MAP7: variants seen among roughly 807,000 people sequenced by gnomAD.
The protein encoded by MAP7 is microtubule associated protein 7.
MAP7 carries 52 observed loss-of-function variants against 94.8 expected under a neutral mutation model. The ratio of observed to expected loss-of-function variants is 0.55; its 90% CI spans 0.44 to 0.69. MAP7 has a LOEUF of 0.69. Ranked by LOEUF, MAP7 falls within the 30% of genes least tolerant of loss-of-function variation. MAP7 has a pLI of 0.00. For synonymous variants in MAP7, 350 were observed against 357.0 expected (o/e 0.98, Z 0.22); for missense variants, 940 against 964.6 (o/e 0.97, Z 0.34).
In MAP7 at chr6:136,372,503, CTG is replaced by C; in HGVS notation, c.872_873del (p.Thr291SerfsTer4). ...AGCTGCTCCCAACAGCTACTCACCG[CTG>C]TGCCATGAATGATCCTCCTGCGAGA... is the stretch of plus-strand genomic sequence containing the variant. Reference protein sequence around the residue: ...GSSRRRIIHGTASYKKERERE... With the variant: ...GSSRRRIIHGXASYKKERERE... On this transcript the variant is annotated frameshift_variant, in exon 8 of 18. Coordinates refer to ENST00000354570, the MANE Select transcript of MAP7 (RefSeq NM_003980.6). LOFTEE classifies it high-confidence loss of function. 1 of 1,614,030 alleles carries C rather than the reference CTG, an allele frequency of 6.2e-7. No homozygotes were observed. Among genetic ancestry groups the C allele is most frequent in the Non-Finnish European group, 8.5e-7 (1 of 1,180,016 alleles).
intron 1 of MAP7, among the ~76,000 whole-genome samples, chr6:136,456,954 T>C (rs1386363459): frequency 1.4e-5 from 2 of 145,964 alleles, no homozygotes; most frequent in African/African-American, 2.5e-5. Flanking sequence ...TGCAAGGAAG[T>C]AATAATGATC....
At chr6:136,482,962 A>G (rs57339528) in intron 1 of MAP7, among the ~76,000 whole-genome samples, 3,540 of 152,194 alleles carry the variant, frequency 0.023, 116 homozygotes, top group East Asian at 0.14. Context: ...CTATTTGATC[A>G]GGTTTTTTCA....
chr6:136,507,353 G>C (rs75235911), intron 1 of MAP7, among the ~76,000 whole-genome samples: 1 of 151,464 alleles, frequency 6.6e-6, no homozygotes, highest in African/African-American at 2.4e-5. Flanking sequence ...GACGGGAAGG[G>C]GGGTAGTAAC....
chr6:136,360,931 C>A, intron 12 of MAP7, 74 bp downstream of exon 12: 1 of 1,546,892 alleles, frequency 6.5e-7, no homozygotes, highest in Non-Finnish European at 8.7e-7. Flanking sequence ...CAGTCCAGTC[C>A]GCACCCTCCT....
intron 1 of MAP7, among the ~76,000 whole-genome samples, chr6:136,490,881 C>G (rs1019449920): frequency 1.3e-5 from 2 of 152,186 alleles, no homozygotes; most frequent in Admixed American, 1.3e-4. Context: ...CCTGTAGACT[C>G]TCATCCTACA....
chr6:136,392,512 C>G (rs1436491312), intron 3 of MAP7, among the ~76,000 whole-genome samples: 2 of 149,422 alleles, frequency 1.3e-5, no homozygotes, highest in African/African-American at 4.9e-5. Context: ...ATATACTATA[C>G]CTTATTTTAT....
intron 1 of MAP7, among the ~76,000 whole-genome samples, chr6:136,462,462 T>C (rs920298925): frequency 3.3e-5 from 5 of 152,184 alleles, no homozygotes; most frequent in African/African-American, 9.7e-5. Flanking sequence ...ATGTTTAAAC[T>C]TGAGCAACTC....
At chr6:136,545,728 TTTA>T (rs1166195396) in intron 1 of MAP7, among the ~76,000 whole-genome samples, 8 of 151,440 alleles carry the variant, frequency 5.3e-5, no homozygotes, top group South Asian at 2.1e-4. Flanking sequence ...TTTTTAAAAG[TTTA>T]TTTTTTTATT....
intron 1 of MAP7, among the ~76,000 whole-genome samples, chr6:136,456,835 GAA>G (rs1803333162): frequency 1.9e-5 from 2 of 102,948 alleles, no homozygotes; most frequent in African/African-American, 7.0e-5. Flanking sequence ...AGAAGAAGAA[GAA>G]GAAGAAGAAG....
chr6:136,360,436 G>A (rs564120938), intron 13 of MAP7, among the ~76,000 whole-genome samples: 3 of 152,298 alleles, frequency 2.0e-5, no homozygotes, highest in Admixed American at 2.0e-4. Flanking sequence ...TGAGCCACCC[G>A]GCCCAGCAGT....
In MAP7 at chr6:136,550,202, C is replaced by G. The variant is rs1324284676; in HGVS notation, c.67+140G>C. On this transcript the variant is annotated intron_variant, in intron 1 of 17. Transcript: ENST00000354570. This position sits in a 1 kb window ranked among gnomAD's most constrained non-coding sequence, Gnocchi z 5.1. ...CGCTCTCGGAGCAGGGTGCGCGGCG[C>G]GCAGGGCCGGTTGTTCCGGGCCGCG... The G allele has an allele frequency of 1.8e-6, 1 of 565,038 alleles. No individual in the cohort carries two copies. Among genetic ancestry groups the G allele is most frequent in the African/African-American group, 2.0e-5 (1 of 49,638 alleles). 35.0% of individuals were successfully genotyped at this position (565,038 alleles called of 1,614,324 possible).
chr6:136,429,248 G>A (rs532435903), intron 1 of MAP7, among the ~76,000 whole-genome samples: 14 of 152,208 alleles, frequency 9.2e-5, no homozygotes, highest in South Asian at 8.3e-4. Context: ...AGAAAGGAGC[G>A]CTCAGTCTCA....
rs866144874 is a variant in MAP7, at chr6:136,365,086, C to T, written c.1273+649G>A. The T allele has an allele frequency of 1.1e-4, 16 of 152,326 alleles. 1 individual carries two copies. Among genetic ancestry groups the T allele is most frequent in the African/African-American group, 3.6e-4 (15 of 41,566 alleles). The allele number at this position is 152,326 out of a possible 1,614,324, so 9.4% of individuals were successfully genotyped here. A position where few individuals can be genotyped will look rare whatever the true frequency, so the allele number is the denominator to read the frequency against. On this transcript the variant is annotated intron_variant, in intron 10 of 17. Transcript: ENST00000354570. ...CACTGAGAACCTACACCTGAATTCA[C>T]GTGTTTGTGGCTCTATCAATAGGCT...
At chr6:136,460,511 C>T (rs1243313193) in intron 1 of MAP7, among the ~76,000 whole-genome samples, 2 of 152,126 alleles carry the variant, frequency 1.3e-5, no homozygotes, top group African/African-American at 2.4e-5. Context: ...ACTGGTTTAT[C>T]TTCCTAATTC....
At chr6:136,526,276 C>G (rs1050248456) in intron 1 of MAP7, 1 of 1,055,060 alleles carries the variant, frequency 9.5e-7, no homozygotes, top group African/African-American at 2.0e-5. Flanking sequence ...TACACGCGCG[C>G]GCACACACAC....
intron 1 of MAP7, among the ~76,000 whole-genome samples, chr6:136,459,169 C>T (rs1804346444): frequency 6.6e-6 from 1 of 152,058 alleles, no homozygotes; most frequent in Admixed American, 6.6e-5. Flanking sequence ...TACTAATCAT[C>T]AGGAAAATCC....
chr6:136,398,722 T>C (rs1356039325), intron 3 of MAP7, among the ~76,000 whole-genome samples: 1 of 152,224 alleles, frequency 6.6e-6, no homozygotes, highest in Non-Finnish European at 1.5e-5. Flanking sequence ...CTCAGCCACG[T>C]GGAACTTTAA....
chr6:136,497,576 A>G (rs7743693), intron 1 of MAP7, among the ~76,000 whole-genome samples: 40,578 of 151,088 alleles, frequency 0.27, 7,136 homozygotes, highest in African/African-American at 0.48. Flanking sequence ...GAAGGTGGGC[A>G]GATCACGAGG....
At chr6:136,357,132 G>A (rs1791215023) in intron 15 of MAP7, among the ~76,000 whole-genome samples, 3 of 152,182 alleles carry the variant, frequency 2.0e-5, no homozygotes, top group Admixed American at 2.0e-4. Context: ...AAAGATAGCA[G>A]TAAGCTGACT....
Sources: allele counts gnomAD v4.1 joint callset (sites outside exome capture counted in the v4.1 genomes callset), GRCh38; gene constraint gnomAD v4.1.1; non-coding constraint Gnocchi (gnomAD v3.1); transcripts MANE v1.5; gene names NCBI Gene and HGNC (gene_info 2026-07-23, HGNC 2026-07-21).